The following HPGDS variants were observed in gnomAD, a reference collection of about 807,000 sequenced individuals.
The protein encoded by HPGDS is hematopoietic prostaglandin D synthase.
Under a neutral mutation model 23.1 loss-of-function variants are expected in HPGDS, and 26 were observed. The observed-to-expected ratio is 1.13, with a 90% CI of 0.83 to 1.56. The LOEUF (loss-of-function observed/expected upper bound fraction) is 1.56. Among genes scored for constraint, HPGDS ranks in the 40% most tolerant of loss-of-function variants. The pLI is 0.00. For missense variants in HPGDS, 268 were observed against 236.4 expected (o/e 1.13, Z -0.88); for synonymous variants, 95 against 77.9 (o/e 1.22, Z -1.16).
intron 2 of HPGDS, among the ~76,000 whole-genome samples, chr4:94,329,500 C>G (rs752926988): frequency 3.2e-4 from 49 of 152,268 alleles, no homozygotes; most frequent in Admixed American, 5.9e-4. Flanking sequence ...GGAGATAAAA[C>G]TAGCTAAGTG....
chr4:94,320,396 T>C (rs1282865697), intron 2 of HPGDS, among the ~76,000 whole-genome samples: 1 of 152,198 alleles, frequency 6.6e-6, no homozygotes, highest in East Asian at 1.9e-4. Flanking sequence ...AAAGTGTTCC[T>C]ATTTCTCCAC....
intron 3 of HPGDS, among the ~76,000 whole-genome samples, chr4:94,312,080 A>G (rs1756286210): frequency 1.3e-5 from 2 of 152,092 alleles, no homozygotes; most frequent in African/African-American, 2.4e-5. Context: ...TGATCTTTTC[A>G]AAAAATAAGC....
chr4:94,327,318 T>C (rs1756650978), intron 2 of HPGDS, among the ~76,000 whole-genome samples: 1 of 151,974 alleles, frequency 6.6e-6, no homozygotes. Flanking sequence ...ATTCAGGAAT[T>C]GGCAGCAGCA....
intron 2 of HPGDS, among the ~76,000 whole-genome samples, chr4:94,321,167 C>G (rs892895089): frequency 5.9e-5 from 9 of 152,068 alleles, no homozygotes; most frequent in Non-Finnish European, 1.3e-4. Flanking sequence ...TTACTGTAGG[C>G]TTGTAGTATA....
intron 1 of HPGDS, among the ~76,000 whole-genome samples, chr4:94,336,218 A>G (rs554426466): frequency 1.8e-4 from 28 of 151,652 alleles, no homozygotes; most frequent in African/African-American, 4.1e-4. Context: ...AAAAAAAAAA[A>G]AAAGAAAGAA....
At chr4:94,342,588 T>C (rs115788433) in intron 1 of HPGDS, among the ~76,000 whole-genome samples, 308 of 152,318 alleles carry the variant, frequency 2.0e-3, no homozygotes, top group African/African-American at 6.8e-3. Context: ...CCTGTACCTA[T>C]ATTTCCTTAA....
At chr4:94,306,275 C>T (rs1756136972) in intron 4 of HPGDS, among the ~76,000 whole-genome samples, 4 of 151,984 alleles carry the variant, frequency 2.6e-5, no homozygotes, top group Admixed American at 2.6e-4. Flanking sequence ...CTAAAGGAAA[C>T]CACTAGAAGC....
chr4:94,329,063 A>G (rs1323351670), intron 2 of HPGDS, among the ~76,000 whole-genome samples: 1 of 152,218 alleles, frequency 6.6e-6, no homozygotes, highest in Non-Finnish European at 1.5e-5. Flanking sequence ...TGAAATTGAC[A>G]TGAGTTGGGA....
At chr4:94,318,562 A>G (rs942058720) in intron 2 of HPGDS, among the ~76,000 whole-genome samples, 1 of 152,034 alleles carries the variant, frequency 6.6e-6, no homozygotes, top group African/African-American at 2.4e-5. Flanking sequence ...ATTGATTTCT[A>G]GTTTTATTCC....
chr4:94,332,842 G>A (rs1426848853), intron 2 of HPGDS, among the ~76,000 whole-genome samples: 1 of 152,158 alleles, frequency 6.6e-6, no homozygotes, highest in East Asian at 1.9e-4. Context: ...TGAACTCTGG[G>A]CCTACTAAGT....
intron 1 of HPGDS, among the ~76,000 whole-genome samples, chr4:94,340,158 A>T (rs1192294881): frequency 6.6e-6 from 1 of 151,290 alleles, no homozygotes; most frequent in Non-Finnish European, 1.5e-5. Flanking sequence ...GGGTTTCACC[A>T]TGTTGGCCAG....
At chr4:94,332,776 C>T (rs1756757893) in intron 2 of HPGDS, among the ~76,000 whole-genome samples, 1 of 152,332 alleles carries the variant, frequency 6.6e-6, no homozygotes, top group Middle Eastern at 3.4e-3. Context: ...AATTCATGAG[C>T]CTTTTTCTGT....
At chr4:94,335,111 G>A (rs192906456) in intron 1 of HPGDS, among the ~76,000 whole-genome samples, 1 of 152,318 alleles carries the variant, frequency 6.6e-6, no homozygotes, top group African/African-American at 2.4e-5. Context: ...AGGAATGTGA[G>A]TGCCATGCCA....
At chr4:94,303,254 T>C (rs1014851336) in intron 4 of HPGDS, among the ~76,000 whole-genome samples, 2 of 152,150 alleles carry the variant, frequency 1.3e-5, no homozygotes, top group Non-Finnish European at 2.9e-5. Flanking sequence ...TGAGCCTCCC[T>C]AGTCCAAAAA....
intron 1 of HPGDS, among the ~76,000 whole-genome samples, chr4:94,336,205 C>CAAA (rs11349997): frequency 3.3e-5 from 4 of 119,848 alleles, no homozygotes; most frequent in Non-Finnish European, 3.5e-5. Flanking sequence ...GACGCCGTCT[C>CAAA]AAAAAAAAAA....
intron 1 of HPGDS, among the ~76,000 whole-genome samples, chr4:94,341,338 G>A (rs1417246085): frequency 6.6e-6 from 1 of 152,080 alleles, no homozygotes; most frequent in Non-Finnish European, 1.5e-5. Context: ...TAAAAGCACA[G>A]TAAAAAATAG....
intron 2 of HPGDS, among the ~76,000 whole-genome samples, chr4:94,333,428 A>T (rs986282371): frequency 6.6e-6 from 1 of 152,184 alleles, no homozygotes; most frequent in Non-Finnish European, 1.5e-5. Flanking sequence ...AAGGAATGTG[A>T]GCTATCTCAC....
intron 2 of HPGDS, among the ~76,000 whole-genome samples, chr4:94,318,927 G>T (rs982542815): frequency 1.3e-5 from 2 of 152,096 alleles, no homozygotes; most frequent in African/African-American, 2.4e-5. Flanking sequence ...TGGCCAGGCC[G>T]GTCTTGAATT....
At chr4:94,336,969 C>T (rs76882292) in intron 1 of HPGDS, among the ~76,000 whole-genome samples, 26 of 91,678 alleles carry the variant, frequency 2.8e-4, no homozygotes, top group Admixed American at 1.1e-3. Context: ...CGTTTTGTTT[C>T]GTTTTGTTTT....
Sources: gnomAD v4.1 joint callset for allele counts (sites outside exome capture counted in the v4.1 genomes callset) on GRCh38, gnomAD v4.1.1 for gene constraint, MANE v1.5 for transcripts, NCBI Gene and HGNC (gene_info 2026-07-23, HGNC 2026-07-21) for gene names.